Variants in MOV10L1 observed in about 807,000 individuals in gnomAD.
MOV10L1 encodes the protein Mov10 like RNA helicase 1, also known as RNA helicase Mov10l1.
Under a neutral mutation model 143.8 loss-of-function variants are expected in MOV10L1, and 110 were observed. The observed-to-expected ratio is 0.76, with a 90% CI of 0.66 to 0.90. MOV10L1 has a LOEUF of 0.90. MOV10L1 is among the 40% of genes least tolerant of loss of function. The pLI, the probability that MOV10L1 is intolerant of heterozygous loss-of-function variation, is 0.00. For missense variants in MOV10L1, 1,406 were observed against 1,526.8 expected, an observed-to-expected ratio of 0.92 and a Z score of 1.32; for synonymous variants, 593 against 581.1, an observed-to-expected ratio of 1.02 and a Z score of -0.29.
At chr22:50,127,904 C>T in intron 12 of MOV10L1, among the ~76,000 whole-genome samples, 1 of 152,074 alleles carries the variant, frequency 6.6e-6, no homozygotes, top group Non-Finnish European at 1.5e-5. Context: ...TCCCAAGTAG[C>T]TGGGATTACA....
chr22:50,158,465 C>A lies in MOV10L1; in HGVS notation c.3216+259C>A, dbSNP rs2063481824. ...TTTCTAAATGGTTACATTTATATGT[C>A]CCTTGATATTTGGCCCTTTGGGAAA... On this transcript the variant is annotated intron_variant, in intron 23 of 26. Transcript: ENST00000262794. The surrounding 1 kb of genome is among the most constrained non-coding windows in gnomAD (Gnocchi z 5.0). 6.4e-6 allele frequency: 3 copies of A among 470,740 alleles called. No individual in the cohort carries two copies. In the East Asian group the frequency reaches 1.1e-4, roughly 18 times the overall value. 29.2% of individuals were successfully genotyped at this position (470,740 alleles called of 1,614,324 possible).
chr22:50,101,673 G>C (rs958273995), intron 3 of MOV10L1, among the ~76,000 whole-genome samples: 5 of 151,988 alleles, frequency 3.3e-5, no homozygotes, highest in African/African-American at 1.2e-4. Context: ...CACCACACCT[G>C]GCTAATTTTT....
chr22:50,144,782 C>T (rs59020637), intron 18 of MOV10L1, among the ~76,000 whole-genome samples: 1,725 of 152,040 alleles, frequency 0.011, 31 homozygotes, highest in African/African-American at 0.035. Context: ...GGAGTTTCAC[C>T]GTGTTAGCCA....
At chr22:50,093,898 G>A (rs1340161952) in intron 2 of MOV10L1, 1 of 152,170 alleles carries the variant, frequency 6.6e-6, no homozygotes, top group Non-Finnish European at 1.5e-5. Flanking sequence ...CTTTCCTAAT[G>A]GCTAGCCAGT....
intron 2 of MOV10L1, chr22:50,093,733 A>G (rs571128682): frequency 6.6e-6 from 1 of 151,818 alleles, no homozygotes; most frequent in South Asian, 2.1e-4. Context: ...CTGATCTGAA[A>G]CTCCTGGCCT....
In MOV10L1 at chr22:50,152,043, T is replaced by C. The variant is rs913616598; in HGVS notation, c.2893-1002T>C. Among the ~76,000 whole-genome samples, 1 of 152,206 alleles carries C rather than the reference T, an allele frequency of 6.6e-6. No individual in the cohort carries two copies. Among genetic ancestry groups the C allele is most frequent in the African/African-American group, 2.4e-5 (1 of 41,458 alleles). On this transcript the variant is annotated intron_variant, in intron 21 of 26. Coordinates refer to ENST00000262794, the MANE Select transcript of MOV10L1 (RefSeq NM_018995.3). The surrounding 1 kb of genome is among the most constrained non-coding windows in gnomAD (Gnocchi z 4.4). The stretch of plus-strand genomic sequence containing the variant: ...CACATTTGGAGTTTGGAGTAGCACG[T>C]TGGAGGCTGGACACATTCTATTTAG...
Position 50,108,659 on chromosome 22 carries a change from C to T in MOV10L1, c.558C>T (p.Val186=). The T allele has an allele frequency of 6.2e-7, 1 of 1,614,056 alleles. No homozygotes were observed. Among genetic ancestry groups the T allele is most frequent in the Admixed American group, 1.7e-5 (1 of 60,018 alleles). Residue 186 remains valine (V), a splice_region_variant and synonymous_variant, in exon 5 of 27, where the codon GTC becomes GTT. Transcript: ENST00000262794. ...GACGCTCAGCTCTCTGCTCCCAGGT[C>T]TGCATCTCTAGCCTCTGTGGAAGGA... is the stretch of plus-strand genomic sequence containing the variant. ...KPLRYKRVDK[V]CISSLCGRNG... is the part of the protein sequence containing the mutation.
intron 22 of MOV10L1, among the ~76,000 whole-genome samples, chr22:50,154,731 C>T (rs921734056): frequency 2.0e-5 from 3 of 152,176 alleles, no homozygotes; most frequent in Non-Finnish European, 2.9e-5. Context: ...GGTTTCTGAT[C>T]GTTCTTGTCT....
At chr22:50,116,429 A>G (rs2062178095) in intron 8 of MOV10L1, among the ~76,000 whole-genome samples, 1 of 147,570 alleles carries the variant, frequency 6.8e-6, no homozygotes, top group South Asian at 2.2e-4. Flanking sequence ...GCTGGGTGAC[A>G]GAGCGAGACT....
intron 10 of MOV10L1, among the ~76,000 whole-genome samples, chr22:50,124,881 C>A (rs1330459649): frequency 6.6e-6 from 1 of 152,212 alleles, no homozygotes; most frequent in Non-Finnish European, 1.5e-5. Flanking sequence ...ATGGGGCCCC[C>A]ATGGATTGTT....
intron 10 of MOV10L1, among the ~76,000 whole-genome samples, chr22:50,124,819 G>C (rs923243295): frequency 1.3e-5 from 2 of 152,148 alleles, no homozygotes; most frequent in African/African-American, 4.8e-5. Context: ...AGCATCCCTG[G>C]GTCCTCTGTG....
rs536996340 is a variant in MOV10L1 at position 50,150,731 on chromosome 22, G to A, written c.2728-4G>A. On this transcript the variant is annotated splice_polypyrimidine_tract_variant and splice_region_variant and intron_variant, in intron 20 of 26. Transcript: ENST00000262794. Reference sequence around the variant, plus strand: ...ATGAGCTGAGACGGGCCCTCTGTGTGCAGATCGTGCTGGCAGGAGACCCCA... The same window carrying A: ...ATGAGCTGAGACGGGCCCTCTGTGTACAGATCGTGCTGGCAGGAGACCCCA... The A allele has an allele frequency of 4.3e-5, 70 of 1,613,548 alleles. No homozygotes were observed. The highest frequency in any genetic ancestry group is 5.1e-6 in the Non-Finnish European group (6 of 1,179,804).
Position 50,117,243 on chromosome 22 carries a change from G to A in MOV10L1, c.1346G>A (p.Gly449Glu). Residue 449 changes from glycine to glutamate, a missense_variant, in exon 9 of 27, where the codon GGG becomes GAG. By Grantham distance (98) the Gly-to-Glu change is moderately conservative. This residue lies in a region of MOV10L1 where 1,233 missense variants were observed against 1,351.4 expected (regional missense o/e 0.91). Transcript: ENST00000262794. ...TACCTTGAAGTAAATGTTATCAGTG[G>A]GGAGGAGTCACTAATTGCTGCGCGC... ...GRYLEVNVIS[G>E]EESLIAAREP... 2 of 1,614,002 alleles carry A rather than the reference G, an allele frequency of 1.2e-6. No individual in the cohort carries two copies. Among genetic ancestry groups the A allele is most frequent in the Non-Finnish European group, 1.7e-6 (2 of 1,180,016 alleles).
chr22:50,126,283 T>G lies in MOV10L1; in HGVS notation c.1818+11T>G, dbSNP rs1569301107. Reference sequence around the variant, plus strand: ...AGCTACGTGACTGAGGTGAGAGCACTCTCTCTTAATGAGTTTGTGTTAGAC... The same window carrying G: ...AGCTACGTGACTGAGGTGAGAGCACGCTCTCTTAATGAGTTTGTGTTAGAC... On this transcript the variant is annotated intron_variant, in intron 12 of 26. Transcript: ENST00000262794. The G allele has an allele frequency of 6.3e-7, 1 of 1,599,728 alleles. No homozygotes were observed. The highest frequency in any genetic ancestry group is 1.3e-5 in the African/African-American group (1 of 74,728).
At chr22:50,119,262 A>G (rs1304201348) in intron 9 of MOV10L1, among the ~76,000 whole-genome samples, 1 of 152,186 alleles carries the variant, frequency 6.6e-6, no homozygotes. Flanking sequence ...AGTGACCCAG[A>G]GTGCCTGACC....
At chr22:50,116,604 T>C (rs1683424774) in intron 8 of MOV10L1, among the ~76,000 whole-genome samples, 1 of 151,760 alleles carries the variant, frequency 6.6e-6, no homozygotes, top group Non-Finnish European at 1.5e-5. Flanking sequence ...AATATCAAAA[T>C]TTTTTCCTAC....
At chr22:50,094,715 G>T (rs2062544863) in intron 2 of MOV10L1, 1 of 152,068 alleles carries the variant, frequency 6.6e-6, no homozygotes, top group Non-Finnish European at 1.5e-5. Flanking sequence ...AATGTAATTT[G>T]GAATCTGGCA....
rs186137735 is a variant in MOV10L1 at position 50,132,058 on chromosome 22, C to G, written c.1911-1949C>G. On this transcript the variant is annotated intron_variant, in intron 13 of 26. Coordinates refer to ENST00000262794, the MANE Select transcript of MOV10L1 (RefSeq NM_018995.3). ...GGGATGGGAGAGCTCTCTGTGCTCC[C>G]TTGTGTAAGGGCACTAATTCCATTC... 2.0e-5 allele frequency among the ~76,000 whole-genome samples: 3 copies of G among 152,314 alleles called. No individual in the cohort carries two copies. The East Asian group carries it at 5.8e-4, about 29-fold the overall frequency.
intron 10 of MOV10L1, among the ~76,000 whole-genome samples, chr22:50,121,429 G>T (rs1275917186): frequency 1.3e-5 from 2 of 152,166 alleles, no homozygotes; most frequent in Non-Finnish European, 2.9e-5. Context: ...CTGTATCCAG[G>T]TTATGCCTGC....
Sources: allele counts gnomAD v4.1 joint callset (sites outside exome capture counted in the v4.1 genomes callset), GRCh38; gene constraint gnomAD v4.1.1; regional missense constraint gnomAD v4.1.1; non-coding constraint Gnocchi (gnomAD v3.1); transcripts MANE v1.5; gene names NCBI Gene and HGNC (gene_info 2026-07-23, HGNC 2026-07-21).